OSBPL5: variants seen among roughly 807,000 people sequenced by gnomAD.
OSBPL5 encodes the protein oxysterol binding protein like 5, also known as oxysterol-binding protein-related protein 5.
Under a neutral mutation model 111.2 loss-of-function variants are expected in OSBPL5, and 71 were observed. That is an observed-to-expected ratio of 0.64 (90% CI 0.53 to 0.78). The LOEUF (loss-of-function observed/expected upper bound fraction) is 0.78. Among genes scored for constraint, OSBPL5 ranks in the 30% least tolerant of loss-of-function variants. OSBPL5 has a pLI of 0.00. For synonymous variants in OSBPL5, 549 were observed against 513.9 expected, an observed-to-expected ratio of 1.07 and a Z score of -0.93; for missense variants, 1,210 against 1,189.3, an observed-to-expected ratio of 1.02 and a Z score of -0.26.
At chr11:3,119,660 C>T (rs758684944) in intron 6 of OSBPL5, 29 bp from the exon 7 acceptor site, 80 of 1,567,160 alleles carry the variant, frequency 5.1e-5, no homozygotes, top group East Asian at 2.0e-4. Flanking sequence ...GGGTGTCACC[C>T]GAGGCAACAC....
Position 3,088,183 on chromosome 11 carries a change from A to G in OSBPL5, c.*22T>C. Reference sequence around the variant, plus strand: ...TGGGAGGGAGGGCTCAGGACCGGCCAGGAGCTCTGCCCTCAGGGCTCCTAT... The same window carrying G: ...TGGGAGGGAGGGCTCAGGACCGGCCGGGAGCTCTGCCCTCAGGGCTCCTAT... On this transcript the variant is annotated 3_prime_UTR_variant, in exon 22 of 22. Transcript: ENST00000263650. 6.4e-7 allele frequency: 1 copy of G among 1,551,900 alleles called. No homozygotes were observed.
Position 3,110,730 on chromosome 11 carries a change from CA to C in OSBPL5, c.692-2786del. On this transcript the variant is annotated intron_variant, in intron 7 of 21. Transcript: ENST00000263650. The surrounding 1 kb of genome is among the most constrained non-coding windows in gnomAD (Gnocchi z 5.3). The stretch of plus-strand genomic sequence containing the variant: ...CCTTTGGAGAAGCTCATCAGAAACT[CA>C]AAAAAATGCAACCATCTTTCTCTTA... Among the ~76,000 whole-genome samples, 2 of 152,206 alleles carry C rather than the reference CA, an allele frequency of 1.3e-5. No homozygotes were observed. Among genetic ancestry groups the C allele is most frequent in the South Asian group, 4.1e-4 (2 of 4,820 alleles).
chr11:3,135,474 T>C (rs1360147025), intron 1 of OSBPL5, among the ~76,000 whole-genome samples: 6 of 151,150 alleles, frequency 4.0e-5, no homozygotes, highest in Admixed American at 3.9e-4. Context: ...GAGGCCCTCC[T>C]CTGGGCAAGG....
At chr11:3,150,454 C>G (rs749751556) in intron 1 of OSBPL5, among the ~76,000 whole-genome samples, 1 of 152,046 alleles carries the variant, frequency 6.6e-6, no homozygotes, top group African/African-American at 2.4e-5. Context: ...GCCCAGCAGC[C>G]CCTAGGTGGG....
intron 3 of OSBPL5, among the ~76,000 whole-genome samples, chr11:3,125,898 C>T (rs892542165): frequency 6.7e-6 from 1 of 148,556 alleles, no homozygotes; most frequent in Non-Finnish European, 1.5e-5. Context: ...AGGAGAATGG[C>T]GTGAACTTGG....
In OSBPL5 at chr11:3,104,177, C is replaced by T. The variant is rs1463899269; in HGVS notation, c.1244+16G>A. 4 of 1,591,342 alleles carry T rather than the reference C, an allele frequency of 2.5e-6. No individual in the cohort carries two copies. The highest frequency in any genetic ancestry group is 3.4e-6 in the Non-Finnish European group (4 of 1,163,686). ...CAGGACGAGGTGTGGGGTGCCCCTC[C>T]CGGCATGGCGCGCACCTGGAGAGCA... On this transcript the variant is annotated intron_variant, in intron 10 of 21. Coordinates refer to ENST00000263650, the MANE Select transcript of OSBPL5 (RefSeq NM_020896.4). This position sits in a 1 kb window ranked among gnomAD's most constrained non-coding sequence, Gnocchi z 5.0.
At chr11:3,088,587 T>A (rs11025338) in intron 21 of OSBPL5, among the ~76,000 whole-genome samples, 3 of 152,114 alleles carry the variant, frequency 2.0e-5, no homozygotes, top group African/African-American at 7.2e-5. Context: ...GGGTCAGGGA[T>A]TGGGGAGTCA....
chr11:3,152,783 G>C (rs1204456998), intron 1 of OSBPL5, among the ~76,000 whole-genome samples: 4 of 152,228 alleles, frequency 2.6e-5, no homozygotes, highest in Admixed American at 2.0e-4. Context: ...ACTGGATGTT[G>C]AGCGAGAAAC....
chr11:3,128,101 C>A (rs886558532), intron 2 of OSBPL5, among the ~76,000 whole-genome samples: 1 of 152,234 alleles, frequency 6.6e-6, no homozygotes, highest in Non-Finnish European at 1.5e-5. Flanking sequence ...TGCCATAGCA[C>A]CTTCAGCAAG....
At chr11:3,100,663 T>G (rs1254996796) in intron 13 of OSBPL5, among the ~76,000 whole-genome samples, 2 of 152,030 alleles carry the variant, frequency 1.3e-5, no homozygotes, top group African/African-American at 4.8e-5. Context: ...TTGGGAAAGG[T>G]GGGCTGAACC....
intron 1 of OSBPL5, among the ~76,000 whole-genome samples, chr11:3,143,914 C>T (rs892128406): frequency 3.3e-5 from 5 of 152,168 alleles, no homozygotes; most frequent in Non-Finnish European, 7.4e-5. Context: ...GCTGTGGAAT[C>T]GACAGCTCTT....
chr11:3,144,962 C>T (rs1564859130), intron 1 of OSBPL5, among the ~76,000 whole-genome samples: 1 of 152,254 alleles, frequency 6.6e-6, no homozygotes, highest in Non-Finnish European at 1.5e-5. Context: ...AGGACCTGGA[C>T]ACATTTTTGG....
chr11:3,105,008 T>C lies in OSBPL5; in HGVS notation c.1060-631A>G, dbSNP rs1857644725. Among the ~76,000 whole-genome samples the C allele has an allele frequency of 6.6e-6, 1 of 152,018 alleles. No individual in the cohort carries two copies. Among genetic ancestry groups the C allele is most frequent in the Non-Finnish European group, 1.5e-5 (1 of 67,990 alleles). ...CCCTCACGAAGGCCCCCTCATCTCT[T>C]CCTTTTCTGAGACATCTAACCCTCA... On this transcript the variant is annotated intron_variant, in intron 9 of 21. Transcript: ENST00000263650. The surrounding 1 kb of genome is among the most constrained non-coding windows in gnomAD (Gnocchi z 5.2).
chr11:3,092,555 G>A lies in OSBPL5; in HGVS notation c.2136C>T (p.His712=). 2.5e-6 allele frequency: 4 copies of A among 1,589,028 alleles called. No individual in the cohort carries two copies. The highest frequency in any genetic ancestry group is 2.6e-6 in the Non-Finnish European group (3 of 1,167,720). ...TQEWHYRYED[H]SPWDPLKDIA... is the part of the protein sequence containing the mutation. ...TGTCCTTCAGGGGGTCCCAGGGGCT[G>A]TGGCTGGAGGGTCCAGAGGGCGTTC... Residue 712 remains histidine, a synonymous_variant, in exon 19 of 22, where the codon CAC becomes CAT. Coordinates refer to ENST00000263650, the MANE Select transcript of OSBPL5 (RefSeq NM_020896.4). The surrounding 1 kb of genome is among the most constrained non-coding windows in gnomAD (Gnocchi z 5.4).
intron 1 of OSBPL5, among the ~76,000 whole-genome samples, chr11:3,143,647 G>A (rs1846224393): frequency 6.6e-6 from 1 of 152,258 alleles, no homozygotes; most frequent in East Asian, 1.9e-4. Flanking sequence ...CAGTGTCCAG[G>A]ACGGGCAGGT....
chr11:3,123,286 G>A (rs1034984185), intron 3 of OSBPL5, among the ~76,000 whole-genome samples: 7 of 152,204 alleles, frequency 4.6e-5, no homozygotes, highest in Admixed American at 3.3e-4. Flanking sequence ...GCTACGACCC[G>A]AATCCTGCCT....
intron 14 of OSBPL5, among the ~76,000 whole-genome samples, chr11:3,098,432 C>A (rs1021694072): frequency 1.6e-4 from 24 of 149,772 alleles, no homozygotes; most frequent in African/African-American, 5.4e-4. Context: ...CAAACAAAAA[C>A]CTTCAATCAG....
chr11:3,136,750 T>C (rs965682653), intron 1 of OSBPL5, among the ~76,000 whole-genome samples: 1 of 152,200 alleles, frequency 6.6e-6, no homozygotes, highest in Admixed American at 6.5e-5. Context: ...TGTGGCTTCC[T>C]CACCCACAGC....
intron 1 of OSBPL5, among the ~76,000 whole-genome samples, chr11:3,147,690 C>A (rs371487594): frequency 6.6e-6 from 1 of 152,050 alleles, no homozygotes; most frequent in African/African-American, 2.4e-5. Flanking sequence ...GAGAGGCGGA[C>A]GGCTGGCAGA....
Sources: allele counts gnomAD v4.1 joint callset (sites outside exome capture counted in the v4.1 genomes callset), GRCh38; gene constraint gnomAD v4.1.1; non-coding constraint Gnocchi (gnomAD v3.1); transcripts MANE v1.5; gene names NCBI Gene and HGNC (gene_info 2026-07-23, HGNC 2026-07-21).